The following PKP4 variants were observed in gnomAD, a reference collection of about 807,000 sequenced individuals.
The protein encoded by PKP4 is plakophilin-4.
In PKP4, 90 loss-of-function variants were observed where a neutral mutation model predicts 145.1. The observed-to-expected ratio is 0.62, with a 90% confidence interval of 0.52 to 0.74. PKP4 has a LOEUF of 0.74. PKP4 is among the 30% of genes least tolerant of loss of function. PKP4 has a pLI of 0.00. For missense variants in PKP4, 1,340 were observed against 1,482.7 expected (o/e 0.90, Z 1.58); for synonymous variants, 563 against 577.2 (o/e 0.98, Z 0.35).
At chr2:158,665,247 T>G (rs1412495932) in intron 15 of PKP4, among the ~76,000 whole-genome samples, 1 of 152,176 alleles carries the variant, frequency 6.6e-6, no homozygotes, top group African/African-American at 2.4e-5. Context: ...ATGGTTCTGT[T>G]GTTGCAGGTT....
intron 3 of PKP4, among the ~76,000 whole-genome samples, chr2:158,581,446 T>G (rs976047944): frequency 9.2e-5 from 14 of 152,166 alleles, no homozygotes; most frequent in African/African-American, 3.1e-4. Flanking sequence ...CACTAATGAC[T>G]CAAAGGAAAA....
Position 158,640,610 on chromosome 2 carries a change from A to T in PKP4, c.1563-17A>T. ...AACATGGGCCTTCCTTTCTGAAGCCATGTTTTTCTCATGTAGGGAGTTTGC... is the reference window on the plus strand; with the variant it reads ...AACATGGGCCTTCCTTTCTGAAGCCTTGTTTTTCTCATGTAGGGAGTTTGC... On this transcript the variant is annotated splice_polypyrimidine_tract_variant and intron_variant, in intron 9 of 21. Coordinates refer to ENST00000389759, the MANE Select transcript of PKP4 (RefSeq NM_003628.6). The T allele has an allele frequency of 6.2e-7, 1 of 1,610,818 alleles. No individual in the cohort carries two copies. The highest frequency in any genetic ancestry group is 8.5e-7 in the Non-Finnish European group (1 of 1,179,312).
chr2:158,561,469 G>A (rs1281387165), intron 2 of PKP4, among the ~76,000 whole-genome samples: 4 of 152,194 alleles, frequency 2.6e-5, no homozygotes, highest in Admixed American at 6.5e-5. Flanking sequence ...GCCAAGCCCT[G>A]TGGTCTCATC....
chr2:158,466,095 G>T (rs1449710537), intron 1 of PKP4, among the ~76,000 whole-genome samples: 1 of 152,128 alleles, frequency 6.6e-6, no homozygotes, highest in Non-Finnish European at 1.5e-5. Flanking sequence ...AAATAGTCCT[G>T]CTCTAAGCTA....
chr2:158,642,520 A>G lies in PKP4; in HGVS notation c.1730A>G (p.Asp577Gly). The G allele has an allele frequency of 6.2e-7, 1 of 1,612,412 alleles. No individual in the cohort carries two copies. The highest frequency in any genetic ancestry group is 8.5e-7 in the Non-Finnish European group (1 of 1,178,628). The change falls in exon 11 of 22, where the codon GAC becomes GGC. Residue 577 changes from aspartate to glycine, a missense_variant. Asp to Gly is a moderately conservative substitution (Grantham distance 94). Coordinates refer to ENST00000389759, the MANE Select transcript of PKP4 (RefSeq NM_003628.6). The stretch of plus-strand genomic sequence containing the variant: ...TTAGGGGGAATCAAGCATCTGGTTG[A>G]CCTTCTGGACCACAGAGTTTTGGAA... ...CRLGGIKHLV[D>G]LLDHRVLEVQ...
intron 1 of PKP4, among the ~76,000 whole-genome samples, chr2:158,522,339 A>G (rs1055867631): frequency 1.3e-5 from 2 of 152,260 alleles, no homozygotes; most frequent in African/African-American, 4.8e-5. Flanking sequence ...TACATCTATA[A>G]TATGCCAAGA....
chr2:158,459,866 G>T (rs1201201388), intron 1 of PKP4, among the ~76,000 whole-genome samples: 1 of 152,056 alleles, frequency 6.6e-6, no homozygotes, highest in African/African-American at 2.4e-5. Context: ...TTCAGGTAAA[G>T]GTAACCTTTC....
chr2:158,528,639 A>AT (rs2043198190), intron 1 of PKP4, among the ~76,000 whole-genome samples: 1 of 140,636 alleles, frequency 7.1e-6, no homozygotes, highest in Non-Finnish European at 1.5e-5. Flanking sequence ...AGTATAATAA[A>AT]AAAAAAAAAA....
chr2:158,491,884 C>T (rs531146447), intron 1 of PKP4, among the ~76,000 whole-genome samples: 2 of 144,934 alleles, frequency 1.4e-5, no homozygotes, highest in Admixed American at 1.4e-4. Flanking sequence ...CAGCTTCGAC[C>T]TCCCAGGCTC....
intron 2 of PKP4, among the ~76,000 whole-genome samples, chr2:158,554,705 G>A (rs966466791): frequency 3.3e-5 from 5 of 152,162 alleles, no homozygotes; most frequent in African/African-American, 4.8e-5. Flanking sequence ...GATTGCAGGC[G>A]TGAGCCACTG....
At chr2:158,560,428 A>G (rs1195196008) in intron 2 of PKP4, among the ~76,000 whole-genome samples, 1 of 152,224 alleles carries the variant, frequency 6.6e-6, no homozygotes, top group African/African-American at 2.4e-5. Flanking sequence ...AGGAAAGAAC[A>G]AAAAATGACA....
At chr2:158,673,305 C>T (rs1478477365) in intron 17 of PKP4, among the ~76,000 whole-genome samples, 3 of 152,202 alleles carry the variant, frequency 2.0e-5, no homozygotes, top group African/African-American at 2.4e-5. Flanking sequence ...GGTCTCCAGA[C>T]ACTCAGAATG....
At chr2:158,458,109 C>T (rs1573881236) in intron 1 of PKP4, 1 of 152,910 alleles carries the variant, frequency 6.5e-6, no homozygotes, top group South Asian at 2.1e-4. Flanking sequence ...GCCGTGGCCG[C>T]TCGGGGCGCA....
At chr2:158,593,595 A>T (rs114316982) in intron 3 of PKP4, among the ~76,000 whole-genome samples, 91 of 152,324 alleles carry the variant, frequency 6.0e-4, no homozygotes, top group Middle Eastern at 6.8e-3. Context: ...ACATCTTCTG[A>T]AATTTGTTCA....
At chr2:158,631,610 C>G (rs2053366629) in intron 7 of PKP4, 143 bp from the exon 8 acceptor site, 3 of 728,580 alleles carry the variant, frequency 4.1e-6, no homozygotes, top group African/African-American at 1.8e-5. Context: ...AGACTGGTCT[C>G]AAATTCCTGG....
At chr2:158,487,513 A>G (rs895766538) in intron 1 of PKP4, among the ~76,000 whole-genome samples, 1 of 152,194 alleles carries the variant, frequency 6.6e-6, no homozygotes, top group South Asian at 2.1e-4. Context: ...TACTGTTGCT[A>G]TGAGTTAATA....
rs561846658 is a variant in PKP4 at position 158,645,150 on chromosome 2, C to G, written c.1909+2451C>G. ...ATATACGTTACAAATAATCATAAATCTGGAATGGACCATCTGCCTTAATGT... is the reference window on the plus strand; with the variant it reads ...ATATACGTTACAAATAATCATAAATGTGGAATGGACCATCTGCCTTAATGT... On this transcript the variant is annotated intron_variant, in intron 11 of 21. Transcript: ENST00000389759. Among the ~76,000 whole-genome samples the G allele has an allele frequency of 3.3e-5, 5 of 152,276 alleles. No individual in the cohort carries two copies. The South Asian group carries it at 1.0e-3, about 32-fold the overall frequency.
chr2:158,634,082 A>G lies in PKP4; in HGVS notation c.1355A>G (p.Asn452Ser). ...GTTGACTTTCTAGTAGGTATTGGAAATCTACAAAGGACATCCAGCCAACGA... is the reference window on the plus strand; with the variant it reads ...GTTGACTTTCTAGTAGGTATTGGAAGTCTACAAAGGACATCCAGCCAACGA... ...LYRTGSVGIG[N>S]LQRTSSQRST... The change falls in exon 9 of 22, where the codon AAT becomes AGT. Residue 452 changes from asparagine (N) to serine (S), a missense_variant. Coordinates refer to ENST00000389759, the MANE Select transcript of PKP4 (RefSeq NM_003628.6). 1.2e-6 allele frequency: 2 copies of G among 1,603,866 alleles called. No homozygotes were observed. Among genetic ancestry groups the G allele is most frequent in the East Asian group, 4.5e-5 (2 of 44,832 alleles).
intron 2 of PKP4, among the ~76,000 whole-genome samples, chr2:158,534,459 C>G (rs78499448): frequency 6.6e-6 from 1 of 151,978 alleles, no homozygotes; most frequent in Non-Finnish European, 1.5e-5. Context: ...ATAGTCAGTA[C>G]AATTTTCATC....
Sources: allele counts gnomAD v4.1 joint callset (sites outside exome capture counted in the v4.1 genomes callset), GRCh38; gene constraint gnomAD v4.1.1; transcripts MANE v1.5; gene names NCBI Gene and HGNC (gene_info 2026-07-23, HGNC 2026-07-21).